Variants in RNF180 observed in about 807,000 individuals in gnomAD.
RNF180 encodes E3 ubiquitin-protein ligase RNF180.
In RNF180, 38 loss-of-function variants were observed where a neutral mutation model predicts 59.2. The ratio of observed to expected loss-of-function variants is 0.64; its 90% CI spans 0.50 to 0.84. The LOEUF is 0.84. Ranked by LOEUF, RNF180 falls within the 40% of genes least tolerant of loss-of-function variation. The probability of loss-of-function intolerance (pLI) is 0.00; values close to 1 mark genes in which losing one functional copy is unlikely to be tolerated. For missense variants in RNF180, 705 were observed against 700.9 expected (o/e 1.01, Z -0.07); for synonymous variants, 262 against 240.3 (o/e 1.09, Z -0.84).
intron 1 of RNF180, among the ~76,000 whole-genome samples, chr5:64,170,448 G>A (rs1317666488): frequency 6.6e-6 from 1 of 152,176 alleles, no homozygotes; most frequent in Non-Finnish European, 1.5e-5. Flanking sequence ...GTGTTTTTAA[G>A]TTAGCCACTG....
At chr5:64,208,172 C>T (rs932702563) in intron 2 of RNF180, among the ~76,000 whole-genome samples, 1 of 151,932 alleles carries the variant, frequency 6.6e-6, no homozygotes, top group African/African-American at 2.4e-5. Context: ...AATACATTGG[C>T]TCCCTCTGCT....
intron 5 of RNF180, among the ~76,000 whole-genome samples, chr5:64,313,747 C>T (rs1743899424): frequency 6.6e-6 from 1 of 152,120 alleles, no homozygotes; most frequent in Non-Finnish European, 1.5e-5. Context: ...TCCACAGTAG[C>T]TGAACTTGTT....
intron 2 of RNF180, among the ~76,000 whole-genome samples, chr5:64,207,404 A>G (rs1262935038): frequency 6.6e-6 from 1 of 152,114 alleles, no homozygotes; most frequent in Non-Finnish European, 1.5e-5. Context: ...AGCGTGTTCA[A>G]AGGCCCTGTG....
At chr5:64,198,452 G>A (rs929202780) in intron 1 of RNF180, among the ~76,000 whole-genome samples, 9 of 152,174 alleles carry the variant, frequency 5.9e-5, no homozygotes, top group Non-Finnish European at 8.8e-5. Context: ...TCATTGATAC[G>A]AAAGCATTGT....
chr5:64,334,526 A>G (rs1404037095), intron 7 of RNF180, among the ~76,000 whole-genome samples: 1 of 151,120 alleles, frequency 6.6e-6, no homozygotes, highest in Non-Finnish European at 1.5e-5. Context: ...AATTACCAAT[A>G]TTATTGAAGC....
chr5:64,297,210 G>A (rs1443575593), intron 5 of RNF180, among the ~76,000 whole-genome samples: 3 of 151,846 alleles, frequency 2.0e-5, no homozygotes, highest in Non-Finnish European at 2.9e-5. Flanking sequence ...TTGTACACTG[G>A]TTGAGATAGC....
chr5:64,209,990 G>C (rs1346848820), intron 2 of RNF180, among the ~76,000 whole-genome samples: 1 of 151,972 alleles, frequency 6.6e-6, no homozygotes, highest in Admixed American at 6.6e-5. Flanking sequence ...TAAAAATTTT[G>C]TGTATGAGTT....
At chr5:64,350,564 C>T (rs531551499) in intron 7 of RNF180, among the ~76,000 whole-genome samples, 2 of 152,086 alleles carry the variant, frequency 1.3e-5, no homozygotes, top group African/African-American at 2.4e-5. Context: ...ACTCTTTAAT[C>T]CATTTTGAAT....
chr5:64,207,112 TATA>T (rs1331268941), intron 2 of RNF180, among the ~76,000 whole-genome samples: 2 of 151,948 alleles, frequency 1.3e-5, no homozygotes, highest in East Asian at 1.9e-4. Context: ...CTAATTATAT[TATA>T]ATCATATTAA....
intron 1 of RNF180, among the ~76,000 whole-genome samples, chr5:64,168,992 G>C (rs1749795901): frequency 6.6e-6 from 1 of 152,140 alleles, no homozygotes; most frequent in Non-Finnish European, 1.5e-5. Flanking sequence ...AAAGTCTGTT[G>C]GTTAACATCA....
intron 2 of RNF180, among the ~76,000 whole-genome samples, chr5:64,209,181 T>G (rs1752178977): frequency 6.6e-6 from 1 of 151,986 alleles, no homozygotes; most frequent in Non-Finnish European, 1.5e-5. Flanking sequence ...TGCCTGTGCA[T>G]AGTGAGCACA....
intron 5 of RNF180, among the ~76,000 whole-genome samples, chr5:64,303,641 G>A (rs769059152): frequency 2.0e-4 from 30 of 151,568 alleles, no homozygotes; most frequent in Non-Finnish European, 3.5e-4. Context: ...AGCTGAGAGA[G>A]CACAGGAAGC....
chr5:64,220,663 A>ATTTAT (rs1488130013), intron 5 of RNF180, among the ~76,000 whole-genome samples: 1 of 152,082 alleles, frequency 6.6e-6, no homozygotes, highest in East Asian at 1.9e-4. Context: ...AATTCTATTT[A>ATTTAT]AACAGCATTT....
intron 7 of RNF180, among the ~76,000 whole-genome samples, chr5:64,337,021 GT>G (rs1474247899): frequency 6.8e-6 from 1 of 147,342 alleles, no homozygotes; most frequent in Non-Finnish European, 1.5e-5. Context: ...TTTTGTTTTT[GT>G]TTTTGTTTTT....
chr5:64,279,380 A>G (rs1410300441), intron 5 of RNF180, among the ~76,000 whole-genome samples: 1 of 152,170 alleles, frequency 6.6e-6, no homozygotes, highest in East Asian at 1.9e-4. Flanking sequence ...TCTGAAGGGA[A>G]GGAAAGAAGT....
chr5:64,328,238 C>G (rs886224253), intron 6 of RNF180, among the ~76,000 whole-genome samples: 3 of 152,064 alleles, frequency 2.0e-5, no homozygotes, highest in Non-Finnish European at 2.9e-5. Flanking sequence ...AGAAAATACC[C>G]TGAATCATAG....
At chr5:64,366,007 CTGTTA>C (rs1746433789) in intron 7 of RNF180, among the ~76,000 whole-genome samples, 1 of 151,190 alleles carries the variant, frequency 6.6e-6, no homozygotes, top group Admixed American at 6.6e-5. Flanking sequence ...GGATTTGATC[CTGTTA>C]TGTTGTTAGT....
chr5:64,273,571 A>G (rs751704167), intron 5 of RNF180, among the ~76,000 whole-genome samples: 1 of 152,028 alleles, frequency 6.6e-6, no homozygotes, highest in Admixed American at 6.6e-5. Context: ...AGTAACACCT[A>G]TTTCAAGATA....
chr5:64,278,741 C>A (rs778627937), intron 5 of RNF180, among the ~76,000 whole-genome samples: 3 of 152,120 alleles, frequency 2.0e-5, no homozygotes, highest in Admixed American at 2.0e-4. Flanking sequence ...GTTATGCCTG[C>A]CTTTGCCTGT....
Sources: allele counts gnomAD v4.1 joint callset (sites outside exome capture counted in the v4.1 genomes callset), GRCh38; gene constraint gnomAD v4.1.1; transcripts MANE v1.5; gene names NCBI Gene and HGNC (gene_info 2026-07-23, HGNC 2026-07-21).